Variants in CNOT6L observed in about 807,000 individuals in gnomAD.
The protein encoded by CNOT6L is CCR4-NOT transcription complex subunit 6-like.
CNOT6L carries 7 observed loss-of-function variants against 64.0 expected under a neutral mutation model. The ratio of observed to expected loss-of-function variants is 0.11; its 90% CI spans 0.06 to 0.21. CNOT6L has a LOEUF of 0.21. CNOT6L is among the 10% of genes least tolerant of loss of function. CNOT6L has a pLI of 1.00. For synonymous variants in CNOT6L, 193 were observed against 243.4 expected (o/e 0.79, Z 1.93); for missense variants, 245 against 669.0 (o/e 0.37, Z 6.99).
intron 8 of CNOT6L, among the ~76,000 whole-genome samples, chr4:77,735,708 T>C (rs974850240): frequency 6.6e-6 from 1 of 152,184 alleles, no homozygotes; most frequent in African/African-American, 2.4e-5. Context: ...ATAAATTGTA[T>C]AGAGCTGTTT....
intron 1 of CNOT6L, 100 bp downstream of exon 1, chr4:77,819,204 A>G (rs1734010643): frequency 6.2e-7 from 1 of 1,606,676 alleles, no homozygotes; most frequent in African/African-American, 1.4e-5. Context: ...CAACTCGCAC[A>G]CCCACACGCA....
At chr4:77,798,579 A>G (rs1265688821) in intron 1 of CNOT6L, among the ~76,000 whole-genome samples, 1 of 152,234 alleles carries the variant, frequency 6.6e-6, no homozygotes, top group East Asian at 1.9e-4. Context: ...TTGGCCTATT[A>G]GAATGGCTAA....
At chr4:77,786,173 G>A (rs1471012803) in intron 1 of CNOT6L, among the ~76,000 whole-genome samples, 1 of 151,914 alleles carries the variant, frequency 6.6e-6, no homozygotes, top group Non-Finnish European at 1.5e-5. Flanking sequence ...TCCAGCTACT[G>A]GGGAAGCTAA....
At chr4:77,813,706 T>G (rs1472855883) in intron 1 of CNOT6L, among the ~76,000 whole-genome samples, 1 of 152,070 alleles carries the variant, frequency 6.6e-6, no homozygotes, top group Non-Finnish European at 1.5e-5. Flanking sequence ...CAGGATCAAA[T>G]CACACCTGCT....
At position 77,760,725 on chromosome 4, in the gene CNOT6L, AT is replaced by A. The variant is rs796165992; in HGVS notation, c.401-3775del. On this transcript the variant is annotated intron_variant, in intron 4 of 11. Coordinates refer to ENST00000504123, the MANE Select transcript of CNOT6L (RefSeq NM_144571.3). ...CAAAAAGACAGTAAAAGGAAAGGAA[AT>A]TTTTTTTTTTTTCAGACTGGAGTGC... Among the ~76,000 whole-genome samples, 281 of 145,748 alleles carry A rather than the reference AT, an allele frequency of 1.9e-3. 1 individual carries two copies. The highest frequency in any genetic ancestry group is 4.5e-3 in the African/African-American group (180 of 40,018).
chr4:77,784,483 G>C (rs1729219490), intron 1 of CNOT6L, among the ~76,000 whole-genome samples: 1 of 149,590 alleles, frequency 6.7e-6, no homozygotes, highest in Admixed American at 6.8e-5. Context: ...CTCATCTAAA[G>C]ATACTGAATA....
chr4:77,754,337 A>G (rs1230603107), intron 5 of CNOT6L, among the ~76,000 whole-genome samples: 1 of 152,188 alleles, frequency 6.6e-6, no homozygotes, highest in Non-Finnish European at 1.5e-5. Flanking sequence ...TTTTTAAGCG[A>G]ATTAAGAAGT....
chr4:77,771,094 C>T (rs976544190), intron 4 of CNOT6L, among the ~76,000 whole-genome samples: 1 of 152,086 alleles, frequency 6.6e-6, no homozygotes, highest in Admixed American at 6.5e-5. Flanking sequence ...CTGAGGTGGG[C>T]GGATCACCTG....
In CNOT6L at chr4:77,803,273, G is replaced by T. The variant is rs1032884275; in HGVS notation, c.5+16031C>A. 2.6e-5 allele frequency among the ~76,000 whole-genome samples: 4 copies of T among 152,020 alleles called. No homozygotes were observed. The East Asian group carries it at 7.7e-4, about 29-fold the overall frequency. On this transcript the variant is annotated intron_variant, in intron 1 of 11. Transcript: ENST00000504123. ...TAACAAATTCCAAAATTTAAAATAT[G>T]TATGACTTTTTGTTATTAAAATGAC...
chr4:77,754,467 CAATT>C (rs1366891937), intron 5 of CNOT6L, among the ~76,000 whole-genome samples: 1 of 152,036 alleles, frequency 6.6e-6, no homozygotes, highest in Admixed American at 6.6e-5. Context: ...GTAAACATAT[CAATT>C]ATTTCCAAAG....
chr4:77,786,084 C>T (rs1281859496), intron 1 of CNOT6L, among the ~76,000 whole-genome samples: 2 of 151,734 alleles, frequency 1.3e-5, no homozygotes, highest in African/African-American at 4.8e-5. Context: ...CGTTCAAGAC[C>T]AGCCTGCCCA....
Position 77,716,299 on chromosome 4 carries a change from T to G in CNOT6L, c.*4132A>C, listed in dbSNP as rs1720742067. On this transcript the variant is annotated 3_prime_UTR_variant, in exon 12 of 12. Coordinates refer to ENST00000504123, the MANE Select transcript of CNOT6L (RefSeq NM_144571.3). ...CATATTTTGCAAAGCTATTAAAATA[T>G]CTCAGAAACAGAATAAAAAAGCTTA... 1 of 152,094 alleles carries G rather than the reference T, an allele frequency of 6.6e-6. No homozygotes were observed. The highest frequency in any genetic ancestry group is 1.5e-5 in the Non-Finnish European group (1 of 67,982). The allele number at this position is 152,094 out of a possible 1,614,324, so 9.4% of individuals were successfully genotyped here. A position where few individuals can be genotyped will look rare whatever the true frequency, so the allele number is the denominator to read the frequency against.
At chr4:77,799,808 G>C (rs995120767) in intron 1 of CNOT6L, among the ~76,000 whole-genome samples, 2 of 151,430 alleles carry the variant, frequency 1.3e-5, no homozygotes, top group African/African-American at 4.9e-5. Context: ...AAGTGTATGA[G>C]AGCTCTTTCA....
At chr4:77,819,482 C>A (rs1734053550), upstream of CNOT6L, 1 of 1,366,854 alleles carries the variant, frequency 7.3e-7, no homozygotes, top group African/African-American at 1.5e-5. Context: ...CTCCCGCCCG[C>A]CCCGAGGGGA....
chr4:77,738,020 G>A (rs905630687), intron 8 of CNOT6L, among the ~76,000 whole-genome samples: 1 of 152,038 alleles, frequency 6.6e-6, no homozygotes, highest in South Asian at 2.1e-4. Flanking sequence ...TACCATTTTG[G>A]AATGATACTA....
chr4:77,735,792 T>C (rs538114340), intron 8 of CNOT6L, among the ~76,000 whole-genome samples: 1 of 152,330 alleles, frequency 6.6e-6, no homozygotes, highest in South Asian at 2.1e-4. Context: ...CAGTGCATAA[T>C]GTTAGTTAAA....
At chr4:77,802,052 A>G (rs933344268) in intron 1 of CNOT6L, among the ~76,000 whole-genome samples, 2 of 152,246 alleles carry the variant, frequency 1.3e-5, no homozygotes, top group Admixed American at 1.3e-4. Flanking sequence ...CATAATTTTA[A>G]TTTAGTGAAG....
In CNOT6L at chr4:77,813,069, CA is replaced by C. The variant is rs566444786; in HGVS notation, c.5+6234del. 3.0e-3 allele frequency among the ~76,000 whole-genome samples: 461 copies of C among 152,148 alleles called. 3 individuals carry two copies. The highest frequency in any genetic ancestry group is 0.01 in the African/African-American group (427 of 41,518). ...ACACTTACAGTTAATTAATTTTGGACAGGGGTGATGATACAATTCAATGGAG... is the reference window on the plus strand; with the variant it reads ...ACACTTACAGTTAATTAATTTTGGACGGGGTGATGATACAATTCAATGGAG... On this transcript the variant is annotated intron_variant, in intron 1 of 11. Coordinates refer to ENST00000504123, the MANE Select transcript of CNOT6L (RefSeq NM_144571.3).
chr4:77,818,969 C>T (rs1733927662), intron 1 of CNOT6L: 3 of 667,420 alleles, frequency 4.5e-6, no homozygotes, highest in Non-Finnish European at 8.2e-6. Context: ...AGGAGCAGCT[C>T]TCACCTGCGA....
Sources: gnomAD v4.1 joint callset for allele counts (sites outside exome capture counted in the v4.1 genomes callset) on GRCh38, gnomAD v4.1.1 for gene constraint, MANE v1.5 for transcripts, NCBI Gene and HGNC (gene_info 2026-07-23, HGNC 2026-07-21) for gene names.